The following WWOX variants were observed in gnomAD, a reference collection of about 807,000 sequenced individuals.
WWOX encodes WW domain containing oxidoreductase.
Under a neutral mutation model 46.2 loss-of-function variants are expected in WWOX, and 69 were observed. The observed-to-expected ratio is 1.49, with a 90% CI of 1.23 to 1.82. The LOEUF (loss-of-function observed/expected upper bound fraction) is 1.82. Ranked by LOEUF, WWOX falls within the 40% of genes most tolerant of loss-of-function variation. The pLI, the probability that WWOX is intolerant of heterozygous loss-of-function variation, is 0.00. For synonymous variants in WWOX, 359 were observed against 202.6 expected (o/e 1.77, Z -6.56); for missense variants, 919 against 542.6 (o/e 1.69, Z -6.89).
At chr16:78,403,028 T>A (rs1484709015) in intron 6 of WWOX, among the ~76,000 whole-genome samples, 1 of 152,180 alleles carries the variant, frequency 6.6e-6, no homozygotes, top group East Asian at 1.9e-4. Flanking sequence ...ATCTTTCAGG[T>A]CTGAATGGCA....
chr16:79,059,037 T>A (rs1464039614), intron 8 of WWOX, among the ~76,000 whole-genome samples: 1 of 152,226 alleles, frequency 6.6e-6, no homozygotes, highest in Non-Finnish European at 1.5e-5. Flanking sequence ...CTCTGATTTC[T>A]GGAGATTGTT....
intron 8 of WWOX, among the ~76,000 whole-genome samples, chr16:78,958,773 A>G (rs992622052): frequency 4.6e-5 from 7 of 152,208 alleles, no homozygotes; most frequent in African/African-American, 1.7e-4. Context: ...GCCACTTTGG[A>G]TAGTTTAATC....
In WWOX at chr16:78,343,469, G is replaced by C. The variant is rs1276036404; in HGVS notation, c.517-43391G>C. Among the ~76,000 whole-genome samples the C allele has an allele frequency of 2.5e-5, 3 of 120,662 alleles. 1 individual carries two copies. The highest frequency in any genetic ancestry group is 5.9e-5 in the Non-Finnish European group (3 of 50,554). 79.2% of individuals were successfully genotyped at this position (120,662 alleles called of 152,430 possible). A position where few individuals can be genotyped will look rare whatever the true frequency, so the allele number is the denominator to read the frequency against. ...TGGGACCTGAAGATGTATATCCCTT[G>C]TTTTCAGATTCCTCGCCTCTCATCA... On this transcript the variant is annotated intron_variant, in intron 5 of 8. Coordinates refer to ENST00000566780, the MANE Select transcript of WWOX (RefSeq NM_016373.4).
chr16:78,706,700 C>T (rs1458169238), intron 8 of WWOX, among the ~76,000 whole-genome samples: 1 of 152,204 alleles, frequency 6.6e-6, no homozygotes, highest in African/African-American at 2.4e-5. Context: ...TCGATCCTTG[C>T]AGTTTCCCTT....
intron 8 of WWOX, among the ~76,000 whole-genome samples, chr16:78,880,403 G>A (rs2044319106): frequency 6.6e-6 from 1 of 152,132 alleles, no homozygotes; most frequent in Non-Finnish European, 1.5e-5. Context: ...GGAATTATGC[G>A]ATTACAAAAA....
intron 5 of WWOX, among the ~76,000 whole-genome samples, chr16:78,259,941 T>G (rs1298466277): frequency 6.6e-6 from 1 of 151,350 alleles, no homozygotes; most frequent in Non-Finnish European, 1.5e-5. Flanking sequence ...TGATCTAAAC[T>G]GCATAGGATA....
At chr16:78,947,499 G>A (rs778517397) in intron 8 of WWOX, among the ~76,000 whole-genome samples, 18 of 152,214 alleles carry the variant, frequency 1.2e-4, no homozygotes, top group Non-Finnish European at 2.4e-4. Flanking sequence ...GGCAAATTCA[G>A]TGAATGCAGA....
At chr16:78,749,333 C>G (rs1195154465) in intron 8 of WWOX, among the ~76,000 whole-genome samples, 6 of 152,078 alleles carry the variant, frequency 3.9e-5, no homozygotes, top group Non-Finnish European at 7.4e-5. Flanking sequence ...AATGGACTTT[C>G]AAGACAGCTG....
rs76860117 is a variant in WWOX at position 79,067,906 on chromosome 16, G to A, written c.1057-143702G>A. 8.8e-3 allele frequency among the ~76,000 whole-genome samples: 1,338 copies of A among 152,238 alleles called. 15 individuals carry two copies. The highest frequency in any genetic ancestry group is 0.03 in the African/African-American group (1,259 of 41,554). On this transcript the variant is annotated intron_variant, in intron 8 of 8. Transcript: ENST00000566780. ...AAAGAGGCTAGCCTCCTGAGAGGGCGTCTCCTGGGAATGCCTGTGATCCAG... is the reference window on the plus strand; with the variant it reads ...AAAGAGGCTAGCCTCCTGAGAGGGCATCTCCTGGGAATGCCTGTGATCCAG...
At chr16:78,323,104 ATTTTT>A (rs199808142) in intron 5 of WWOX, among the ~76,000 whole-genome samples, 2 of 150,712 alleles carry the variant, frequency 1.3e-5, no homozygotes, top group African/African-American at 4.9e-5. Flanking sequence ...GGGTTCTTGT[ATTTTT>A]TTTTGTTTGT....
chr16:78,843,835 T>G (rs1361727812), intron 8 of WWOX, among the ~76,000 whole-genome samples: 1 of 152,190 alleles, frequency 6.6e-6, no homozygotes, highest in Non-Finnish European at 1.5e-5. Context: ...ACAATCCCTA[T>G]TTTTAGAGGT....
chr16:78,701,112 A>C (rs2048206953), intron 8 of WWOX, among the ~76,000 whole-genome samples: 1 of 152,158 alleles, frequency 6.6e-6, no homozygotes. Context: ...AGTGATAGTT[A>C]CCTCACAAGG....
intron 5 of WWOX, among the ~76,000 whole-genome samples, chr16:78,329,066 C>T (rs779109723): frequency 3.3e-5 from 5 of 151,958 alleles, no homozygotes; most frequent in African/African-American, 7.3e-5. Context: ...TCAGCATGTT[C>T]GCCAGGCTGG....
At chr16:78,351,764 C>G (rs772370432) in intron 5 of WWOX, among the ~76,000 whole-genome samples, 5 of 152,158 alleles carry the variant, frequency 3.3e-5, no homozygotes, top group Admixed American at 1.3e-4. Flanking sequence ...TCAAGCGATT[C>G]TCCTCTCCCA....
At chr16:78,619,431 T>G (rs114342128) in intron 8 of WWOX, among the ~76,000 whole-genome samples, 1 of 146,884 alleles carries the variant, frequency 6.8e-6, no homozygotes, top group African/African-American at 2.5e-5. Context: ...CTCAACAAAT[T>G]TGTACACACT....
chr16:78,165,009 A>C (rs937822881), intron 5 of WWOX, among the ~76,000 whole-genome samples: 1 of 152,220 alleles, frequency 6.6e-6, no homozygotes, highest in African/African-American at 2.4e-5. Context: ...CTTAGCAGTG[A>C]GAAGAGCATA....
In WWOX at chr16:78,900,057, C is replaced by CT. The variant is rs754732541; in HGVS notation, c.1057-311529dup. ...ATGTGCAATATACAAGCCCTCCTGACTTTTTTTTTTTTTTTTTTTTTTCCT... is the reference window on the plus strand; with the variant it reads ...ATGTGCAATATACAAGCCCTCCTGACTTTTTTTTTTTTTTTTTTTTTTTCCT... On this transcript the variant is annotated intron_variant, in intron 8 of 8. Coordinates refer to ENST00000566780, the MANE Select transcript of WWOX (RefSeq NM_016373.4). Among the ~76,000 whole-genome samples, 452 of 102,152 alleles carry CT rather than the reference C, an allele frequency of 4.4e-3. 5 individuals carry two copies. The highest frequency in any genetic ancestry group is 0.029 in the South Asian group (91 of 3,178). The allele number at this position is 102,152 out of a possible 152,430, so 67.0% of individuals were successfully genotyped here.
At chr16:79,018,232 G>A (rs1453379028) in intron 8 of WWOX, among the ~76,000 whole-genome samples, 1 of 152,160 alleles carries the variant, frequency 6.6e-6, no homozygotes, top group South Asian at 2.1e-4. Context: ...TAGTTGCAGA[G>A]TATTTGTTCT....
chr16:79,131,162 G>T (rs888813577), intron 8 of WWOX, among the ~76,000 whole-genome samples: 2 of 152,150 alleles, frequency 1.3e-5, no homozygotes, highest in Admixed American at 1.3e-4. Context: ...AAGCAGGGAT[G>T]AGCTCTCCTC....
Sources: allele counts gnomAD v4.1 joint callset (sites outside exome capture counted in the v4.1 genomes callset), GRCh38; gene constraint gnomAD v4.1.1; transcripts MANE v1.5; gene names NCBI Gene and HGNC (gene_info 2026-07-23, HGNC 2026-07-21).